RSPO3: variants seen among roughly 807,000 people sequenced by gnomAD.
RSPO3 encodes the protein R-spondin 3, also known as R-spondin-3.
A neutral mutation model predicts 36.5 loss-of-function variants in RSPO3; 17 were observed. The ratio of observed to expected loss-of-function variants is 0.47; its 90% CI spans 0.32 to 0.70. The LOEUF (loss-of-function observed/expected upper bound fraction) is 0.70, where lower values mean the gene tolerates loss of function less well. RSPO3 is among the 30% of genes least tolerant of loss of function. RSPO3 has a pLI of 0.04. For missense variants in RSPO3, 294 were observed against 322.5 expected, an observed-to-expected ratio of 0.91 and a Z score of 0.68; for synonymous variants, 108 against 107.0, an observed-to-expected ratio of 1.01 and a Z score of -0.06.
intron 4 of RSPO3, among the ~76,000 whole-genome samples, chr6:127,172,419 G>C (rs1037938988): frequency 2.0e-5 from 3 of 151,492 alleles, no homozygotes; most frequent in East Asian, 1.9e-4. Flanking sequence ...TTCATCTCTG[G>C]ACACTAAGGA....
At chr6:127,182,587 C>T (rs1360994575) in intron 4 of RSPO3, among the ~76,000 whole-genome samples, 1 of 151,922 alleles carries the variant, frequency 6.6e-6, no homozygotes, top group Non-Finnish European at 1.5e-5. Context: ...TAATTTTCAG[C>T]TCATTTGCTT....
intron 1 of RSPO3, chr6:127,119,694 G>C (rs1228729318): frequency 5.9e-6 from 1 of 168,898 alleles, no homozygotes; most frequent in Non-Finnish European, 1.3e-5. Flanking sequence ...AATGACAAGG[G>C]AGGCGCGGCC....
chr6:127,188,628 G>C (rs1251126314), intron 4 of RSPO3, among the ~76,000 whole-genome samples: 2 of 151,710 alleles, frequency 1.3e-5, no homozygotes, highest in South Asian at 2.1e-4. Context: ...TATGTTGGGG[G>C]AGTGGAAATA....
At chr6:127,163,869 C>T (rs1017177583) in intron 4 of RSPO3, among the ~76,000 whole-genome samples, 1 of 152,040 alleles carries the variant, frequency 6.6e-6, no homozygotes, top group African/African-American at 2.4e-5. Context: ...AAATTATTGG[C>T]TTAAACGCAG....
chr6:127,168,339 T>C (rs140911351), intron 4 of RSPO3, among the ~76,000 whole-genome samples: 4,606 of 152,182 alleles, frequency 0.03, 220 homozygotes, highest in African/African-American at 0.1. Flanking sequence ...TGATTTGCAT[T>C]TCTCTGATGG....
intron 4 of RSPO3, among the ~76,000 whole-genome samples, chr6:127,160,941 T>C (rs1025682926): frequency 6.6e-6 from 1 of 152,168 alleles, no homozygotes; most frequent in African/African-American, 2.4e-5. Flanking sequence ...TTATTCTCTG[T>C]TTTTATTTGA....
At chr6:127,155,168 A>T (rs979767683) in intron 3 of RSPO3, 73 bp from the exon 4 acceptor site, 2 of 1,478,194 alleles carry the variant, frequency 1.4e-6, no homozygotes, top group African/African-American at 1.4e-5. Flanking sequence ...GATGGAAGCA[A>T]ATCTTTTTTT....
intron 1 of RSPO3, among the ~76,000 whole-genome samples, chr6:127,134,953 C>T (rs1435384378): frequency 1.3e-5 from 2 of 152,060 alleles, no homozygotes; most frequent in African/African-American, 4.8e-5. Flanking sequence ...AAAGAGAATG[C>T]CAGAGGAGGT....
intron 4 of RSPO3, among the ~76,000 whole-genome samples, chr6:127,162,137 G>GCTA (rs1187666141): frequency 6.6e-6 from 1 of 152,100 alleles, no homozygotes; most frequent in Admixed American, 6.6e-5. Flanking sequence ...TCCTCTTGAG[G>GCTA]CTAGGCTCAG....
chr6:127,166,453 G>A (rs920607602), intron 4 of RSPO3, among the ~76,000 whole-genome samples: 6 of 152,020 alleles, frequency 3.9e-5, no homozygotes, highest in Non-Finnish European at 1.5e-5. Context: ...TCAAATTTCA[G>A]TTGTGCTTTT....
intron 4 of RSPO3, among the ~76,000 whole-genome samples, chr6:127,158,984 CAT>C (rs1370718591): frequency 1.3e-5 from 2 of 152,190 alleles, no homozygotes; most frequent in Admixed American, 6.5e-5. Flanking sequence ...ACTATTATCA[CAT>C]GTGTATTGAA....
At chr6:127,152,216 G>T (rs1229796336) in intron 3 of RSPO3, among the ~76,000 whole-genome samples, 1 of 152,142 alleles carries the variant, frequency 6.6e-6, no homozygotes, top group Non-Finnish European at 1.5e-5. Flanking sequence ...GAGGTTAGCA[G>T]TCCAAAGGCC....
intron 4 of RSPO3, among the ~76,000 whole-genome samples, chr6:127,156,993 C>T (rs1350397571): frequency 6.6e-6 from 1 of 152,104 alleles, no homozygotes; most frequent in Non-Finnish European, 1.5e-5. Flanking sequence ...TTCTTGAAGA[C>T]ATGGGTTATT....
intron 4 of RSPO3, among the ~76,000 whole-genome samples, chr6:127,167,246 C>T (rs1419465298): frequency 1.3e-5 from 2 of 151,852 alleles, no homozygotes; most frequent in Admixed American, 1.3e-4. Flanking sequence ...TTAAGCCCAG[C>T]ATCCATTAAT....
chr6:127,124,598 A>G (rs1480489610), intron 1 of RSPO3, among the ~76,000 whole-genome samples: 1 of 151,980 alleles, frequency 6.6e-6, no homozygotes, highest in Non-Finnish European at 1.5e-5. Flanking sequence ...TTTAAGGGCA[A>G]ATGTAGATTG....
In RSPO3 at chr6:127,177,291, C is replaced by G. The variant is rs531074759; in HGVS notation, c.635-18532C>G. On this transcript the variant is annotated intron_variant, in intron 4 of 4. Coordinates refer to ENST00000356698, the MANE Select transcript of RSPO3 (RefSeq NM_032784.5). Reference sequence around the variant, plus strand: ...AAATGTGAATTCCCAGCATTTCAAGCTTGTAAACTGTATCCAACACTCACC... The same window carrying G: ...AAATGTGAATTCCCAGCATTTCAAGGTTGTAAACTGTATCCAACACTCACC... Among the ~76,000 whole-genome samples the G allele has an allele frequency of 1.3e-4, 20 of 151,954 alleles. No homozygotes were observed. In the East Asian group the frequency reaches 3.1e-3, roughly 24 times the overall value.
At chr6:127,130,942 C>T (rs939359091) in intron 1 of RSPO3, among the ~76,000 whole-genome samples, 1 of 152,076 alleles carries the variant, frequency 6.6e-6, no homozygotes. Flanking sequence ...TTCACACACT[C>T]TCATTTCATG....
At chr6:127,142,547 A>C (rs1774294745) in intron 1 of RSPO3, among the ~76,000 whole-genome samples, 1 of 152,226 alleles carries the variant, frequency 6.6e-6, no homozygotes, top group Non-Finnish European at 1.5e-5. Flanking sequence ...GTCCTAATTT[A>C]GGCAAGAAAA....
At chr6:127,155,498 T>C in intron 4 of RSPO3, 60 bp downstream of exon 4, 1 of 1,471,788 alleles carries the variant, frequency 6.8e-7, no homozygotes, top group South Asian at 1.2e-5. Context: ...GCATTTTTCA[T>C]TTTATTTCTT....
Sources: gnomAD v4.1 joint callset for allele counts (sites outside exome capture counted in the v4.1 genomes callset) on GRCh38, gnomAD v4.1.1 for gene constraint, MANE v1.5 for transcripts, NCBI Gene and HGNC (gene_info 2026-07-23, HGNC 2026-07-21) for gene names.